The following SPIDR variants were observed in gnomAD, a reference collection of about 807,000 sequenced individuals.
The protein encoded by SPIDR is DNA repair-scaffolding protein.
In SPIDR, 93 loss-of-function variants were observed where a neutral mutation model predicts 104.6. That is an observed-to-expected ratio of 0.89 (90% CI 0.75 to 1.06). The LOEUF is 1.06. Ranked by LOEUF, SPIDR falls within the 50% of genes least tolerant of loss-of-function variation. The pLI is 0.00. For missense variants in SPIDR, 1,154 were observed against 1,111.2 expected, an observed-to-expected ratio of 1.04 and a Z score of -0.55; for synonymous variants, 431 against 416.9, an observed-to-expected ratio of 1.03 and a Z score of -0.41.
At chr8:47,598,806 C>T in intron 9 of SPIDR, 140 bp from the exon 10 acceptor site, 1 of 1,115,264 alleles carries the variant, frequency 9.0e-7, no homozygotes, top group Non-Finnish European at 1.3e-6. Context: ...TTTTCATCTT[C>T]ATCATCACTT....
At chr8:47,261,597 A>C (rs1051218940) in intron 1 of SPIDR, among the ~76,000 whole-genome samples, 2 of 152,170 alleles carry the variant, frequency 1.3e-5, no homozygotes, top group Admixed American at 1.3e-4. Flanking sequence ...TATCGTTTTA[A>C]AGTTTCTTCT....
chr8:47,639,531 G>T (rs1429998284), intron 10 of SPIDR, among the ~76,000 whole-genome samples: 1 of 152,148 alleles, frequency 6.6e-6, no homozygotes, highest in Non-Finnish European at 1.5e-5. Flanking sequence ...AGAGTGTATG[G>T]CGTTCCTTTA....
intron 5 of SPIDR, among the ~76,000 whole-genome samples, chr8:47,317,208 G>A (rs2045542292): frequency 6.6e-6 from 1 of 152,150 alleles, no homozygotes; most frequent in Non-Finnish European, 1.5e-5. Context: ...CCTAGATGGA[G>A]AAAGGGATGA....
At chr8:47,340,524 C>T (rs2050548533) in intron 5 of SPIDR, among the ~76,000 whole-genome samples, 1 of 152,150 alleles carries the variant, frequency 6.6e-6, no homozygotes, top group African/African-American at 2.4e-5. Flanking sequence ...ATCACTTGAA[C>T]CCAGGAGGCG....
At chr8:47,592,545 C>A in intron 8 of SPIDR, 1 of 1,340,018 alleles carries the variant, frequency 7.5e-7, no homozygotes, top group Non-Finnish European at 1.1e-6. Context: ...GCTTTGATGC[C>A]AGGAACTGGT....
chr8:47,563,330 T>G (rs2057327835), intron 8 of SPIDR, among the ~76,000 whole-genome samples: 1 of 152,030 alleles, frequency 6.6e-6, no homozygotes, highest in Non-Finnish European at 1.5e-5. Flanking sequence ...CCATGACACC[T>G]GACTCATTTT....
At chr8:47,436,902 C>G (rs953041216) in intron 7 of SPIDR, among the ~76,000 whole-genome samples, 1 of 152,094 alleles carries the variant, frequency 6.6e-6, no homozygotes, top group South Asian at 2.1e-4. Flanking sequence ...TAGCCCTGTC[C>G]CTGACCTAGT....
intron 1 of SPIDR, among the ~76,000 whole-genome samples, chr8:47,270,523 T>C (rs1437119802): frequency 1.3e-5 from 2 of 152,142 alleles, no homozygotes; most frequent in East Asian, 1.9e-4. Context: ...TTAAATCTTC[T>C]CTTCCCCGCC....
intron 10 of SPIDR, among the ~76,000 whole-genome samples, chr8:47,633,567 A>C (rs565514467): frequency 6.6e-6 from 1 of 151,196 alleles, no homozygotes; most frequent in African/African-American, 2.4e-5. Context: ...TGAAAAAAAA[A>C]AAAAAACAAA....
intron 8 of SPIDR, among the ~76,000 whole-genome samples, chr8:47,524,267 G>A (rs143404491): frequency 1.2e-4 from 18 of 152,276 alleles, no homozygotes; most frequent in African/African-American, 4.3e-4. Flanking sequence ...AACATAAAAA[G>A]TACTGTCATT....
intron 8 of SPIDR, among the ~76,000 whole-genome samples, chr8:47,494,464 T>G (rs1431945699): frequency 9.2e-5 from 14 of 152,288 alleles, no homozygotes; most frequent in African/African-American, 2.9e-4. Context: ...AAATAAATAT[T>G]AGTGTAAATA....
At chr8:47,266,027 G>C (rs782538156) in intron 1 of SPIDR, among the ~76,000 whole-genome samples, 1 of 151,582 alleles carries the variant, frequency 6.6e-6, no homozygotes, top group African/African-American at 2.4e-5. Context: ...TGGGATGACA[G>C]GCGTGAGCCA....
intron 1 of SPIDR, among the ~76,000 whole-genome samples, chr8:47,278,523 G>A (rs1310226563): frequency 1.3e-5 from 2 of 151,868 alleles, no homozygotes; most frequent in African/African-American, 2.4e-5. Context: ...GTCTCACGAC[G>A]TTGCCTAGGC....
intron 8 of SPIDR, among the ~76,000 whole-genome samples, chr8:47,482,957 C>T (rs992735988): frequency 1.3e-5 from 2 of 152,188 alleles, no homozygotes; most frequent in Middle Eastern, 3.4e-3. Flanking sequence ...TCAATCCTGA[C>T]CCTGTAAAAT....
At chr8:47,709,080 T>C (rs553114510) in intron 14 of SPIDR, among the ~76,000 whole-genome samples, 1 of 151,810 alleles carries the variant, frequency 6.6e-6, no homozygotes, top group South Asian at 2.1e-4. Context: ...TCAAGAGATT[T>C]TCTTGCCTTA....
At chr8:47,543,285 G>A (rs369537396) in intron 8 of SPIDR, among the ~76,000 whole-genome samples, 4 of 152,158 alleles carry the variant, frequency 2.6e-5, no homozygotes, top group Non-Finnish European at 5.9e-5. Context: ...ACATTGCCAC[G>A]AGTAATGTGT....
At chr8:47,400,414 G>A (rs1047421724) in intron 6 of SPIDR, among the ~76,000 whole-genome samples, 1 of 152,216 alleles carries the variant, frequency 6.6e-6, no homozygotes, top group Non-Finnish European at 1.5e-5. Flanking sequence ...TGTGCTTAGG[G>A]TTGTTAGTCT....
chr8:47,702,959 AC>A (rs1563600924), intron 14 of SPIDR, among the ~76,000 whole-genome samples: 1 of 152,136 alleles, frequency 6.6e-6, no homozygotes, highest in Non-Finnish European at 1.5e-5. Context: ...TTGGCCAGCA[AC>A]CTCGGCCAGG....
At chr8:47,675,316 G>A (rs903840772) in intron 11 of SPIDR, among the ~76,000 whole-genome samples, 1 of 152,184 alleles carries the variant, frequency 6.6e-6, no homozygotes, top group African/African-American at 2.4e-5. Flanking sequence ...GATTACAGGC[G>A]TGAGCTACCA....
Sources: gnomAD v4.1 joint callset for allele counts (sites outside exome capture counted in the v4.1 genomes callset) on GRCh38, gnomAD v4.1.1 for gene constraint, MANE v1.5 for transcripts, NCBI Gene and HGNC (gene_info 2026-07-23, HGNC 2026-07-21) for gene names.